Variants in SGMS1 observed in about 807,000 individuals in gnomAD.
The protein encoded by SGMS1 is phosphatidylcholine:ceramide cholinephosphotransferase 1.
SGMS1 carries 13 observed loss-of-function variants against 46.2 expected under a neutral mutation model. The ratio of observed to expected loss-of-function variants is 0.28; its 90% CI spans 0.18 to 0.45. The LOEUF is 0.45. Among genes scored for constraint, SGMS1 ranks in the 20% least tolerant of loss-of-function variants. The pLI is 1.00. For synonymous variants in SGMS1, 203 were observed against 187.8 expected (o/e 1.08, Z -0.66); for missense variants, 324 against 519.9 (o/e 0.62, Z 3.66).
At chr10:50,431,488 A>G (rs1041681027) in intron 6 of SGMS1, among the ~76,000 whole-genome samples, 8 of 152,212 alleles carry the variant, frequency 5.3e-5, no homozygotes, top group African/African-American at 1.9e-4. Context: ...TAGCAATTTC[A>G]GGGTTCGATT....
rs553233986 is a variant in SGMS1 at position 50,613,733 on chromosome 10, C to T, written c.-684+9974G>A. Among the ~76,000 whole-genome samples, 13 of 152,312 alleles carry T rather than the reference C, an allele frequency of 8.5e-5. No homozygotes were observed. In the South Asian group the frequency reaches 2.7e-3, roughly 32 times the overall value. The stretch of plus-strand genomic sequence containing the variant: ...GTTCTTTCTAAATCCTGAGTTCCTA[C>T]AAAATATTTAAATTATAAAAGGTTT... On this transcript the variant is annotated intron_variant, in intron 1 of 10. Transcript: ENST00000361781.
chr10:50,518,145 GA>G (rs914506044), intron 3 of SGMS1, among the ~76,000 whole-genome samples: 14 of 152,254 alleles, frequency 9.2e-5, no homozygotes, highest in South Asian at 4.1e-4. Flanking sequence ...CAGATATGCT[GA>G]AAAGAACATC....
chr10:50,458,540 T>C (rs935922552), intron 5 of SGMS1, among the ~76,000 whole-genome samples: 1 of 151,730 alleles, frequency 6.6e-6, no homozygotes, highest in Non-Finnish European at 1.5e-5. Context: ...TTTGTATTTT[T>C]AGTAGAGACG....
chr10:50,467,207 T>G (rs947168418), intron 3 of SGMS1, among the ~76,000 whole-genome samples: 1 of 152,126 alleles, frequency 6.6e-6, no homozygotes, highest in Non-Finnish European at 1.5e-5. Context: ...ACATGAGTTT[T>G]AAAACCATGG....
chr10:50,583,945 C>T (rs1055370393), intron 2 of SGMS1, among the ~76,000 whole-genome samples: 1 of 152,158 alleles, frequency 6.6e-6, no homozygotes, highest in South Asian at 2.1e-4. Flanking sequence ...CTTCATTTTT[C>T]CAATGCCACA....
chr10:50,614,311 C>T (rs1354518935), intron 1 of SGMS1, among the ~76,000 whole-genome samples: 1 of 152,208 alleles, frequency 6.6e-6, no homozygotes, highest in Non-Finnish European at 1.5e-5. Flanking sequence ...CAAGTTTCTG[C>T]TCTGGACTGG....
intron 6 of SGMS1, among the ~76,000 whole-genome samples, chr10:50,430,061 G>T (rs1469926888): frequency 6.6e-6 from 1 of 151,934 alleles, no homozygotes. Flanking sequence ...CCCAAAACAT[G>T]ATCTTCCTCT....
intron 1 of SGMS1, among the ~76,000 whole-genome samples, chr10:50,594,787 A>G (rs1838574965): frequency 6.6e-6 from 1 of 152,258 alleles, no homozygotes; most frequent in East Asian, 1.9e-4. Flanking sequence ...GTTATCATAA[A>G]TTTAAAAGAG....
At chr10:50,568,125 G>A (rs1384007386) in intron 2 of SGMS1, among the ~76,000 whole-genome samples, 1 of 152,032 alleles carries the variant, frequency 6.6e-6, no homozygotes, top group Admixed American at 6.6e-5. Flanking sequence ...TCAAACATCC[G>A]AATCTTATAA....
In SGMS1 at chr10:50,593,012, G is replaced by A. The variant is rs530556173; in HGVS notation, c.-683-2765C>T. Among the ~76,000 whole-genome samples, 19 of 152,268 alleles carry A rather than the reference G, an allele frequency of 1.2e-4. No homozygotes were observed. In the South Asian group the frequency reaches 3.9e-3, roughly 32 times the overall value. Reference sequence around the variant, plus strand: ...GGCATGTGGGAACCACTACAATATTGCTGAAATGCTGGCGTGAGACTGCAA... The same window carrying A: ...GGCATGTGGGAACCACTACAATATTACTGAAATGCTGGCGTGAGACTGCAA... On this transcript the variant is annotated intron_variant, in intron 1 of 10. Transcript: ENST00000361781.
At chr10:50,526,821 C>A (rs2133797204) in intron 2 of SGMS1, among the ~76,000 whole-genome samples, 1 of 152,168 alleles carries the variant, frequency 6.6e-6, no homozygotes, top group Admixed American at 6.5e-5. Context: ...AATCATAGCA[C>A]TCTGGGAGGC....
At chr10:50,611,761 C>A (rs1838751488) in intron 1 of SGMS1, among the ~76,000 whole-genome samples, 1 of 152,164 alleles carries the variant, frequency 6.6e-6, no homozygotes, top group Non-Finnish European at 1.5e-5. Flanking sequence ...CCTGCCTGTG[C>A]ACCTTCATCC....
intron 6 of SGMS1, among the ~76,000 whole-genome samples, chr10:50,362,579 A>T (rs1026355913): frequency 6.6e-6 from 1 of 152,254 alleles, no homozygotes; most frequent in African/African-American, 2.4e-5. Context: ...AGGCGCTTCA[A>T]AAAGCAATGG....
chr10:50,450,859 A>T (rs980279962), intron 5 of SGMS1, among the ~76,000 whole-genome samples: 2 of 151,930 alleles, frequency 1.3e-5, no homozygotes, highest in African/African-American at 4.8e-5. Context: ...TATTAAAAAT[A>T]TCATTGATAT....
intron 6 of SGMS1, among the ~76,000 whole-genome samples, chr10:50,414,241 G>C (rs967955710): frequency 6.6e-6 from 1 of 152,132 alleles, no homozygotes; most frequent in African/African-American, 2.4e-5. Context: ...CCTTGTCTCT[G>C]CAAAATATTA....
chr10:50,455,377 CTA>C (rs1328226379), intron 5 of SGMS1, among the ~76,000 whole-genome samples: 1 of 152,218 alleles, frequency 6.6e-6, no homozygotes, highest in Non-Finnish European at 1.5e-5. Context: ...CACCTCAAGA[CTA>C]AGCTCATTCT....
At chr10:50,408,919 C>A (rs542059397) in intron 6 of SGMS1, among the ~76,000 whole-genome samples, 4 of 152,108 alleles carry the variant, frequency 2.6e-5, no homozygotes, top group Non-Finnish European at 5.9e-5. Context: ...CCCTAGCCTG[C>A]CTGACCTCCC....
At chr10:50,516,933 A>T (rs1288611352) in intron 3 of SGMS1, among the ~76,000 whole-genome samples, 1 of 152,192 alleles carries the variant, frequency 6.6e-6, no homozygotes, top group Admixed American at 6.5e-5. Context: ...AACACTCAGG[A>T]TTGGGCAAAA....
At chr10:50,551,386 A>G (rs1884571) in intron 2 of SGMS1, among the ~76,000 whole-genome samples, 42,997 of 150,238 alleles carry the variant, frequency 0.29, 6,966 homozygotes, top group Middle Eastern at 0.38. Flanking sequence ...ATGAAAAACC[A>G]GCAAGGCCTG....
Sources: allele counts gnomAD v4.1 joint callset (sites outside exome capture counted in the v4.1 genomes callset), GRCh38; gene constraint gnomAD v4.1.1; transcripts MANE v1.5; gene names NCBI Gene and HGNC (gene_info 2026-07-23, HGNC 2026-07-21).